PLEKHG2: variants seen among roughly 807,000 people sequenced by gnomAD.
PLEKHG2 encodes the protein pleckstrin homology and RhoGEF domain containing G2.
Under a neutral mutation model 104.4 loss-of-function variants are expected in PLEKHG2, and 71 were observed. The observed-to-expected ratio is 0.68, with a 90% CI of 0.56 to 0.83. The LOEUF (loss-of-function observed/expected upper bound fraction) is 0.83. Ranked by LOEUF, PLEKHG2 falls within the 40% of genes least tolerant of loss-of-function variation. The pLI is 0.00. For synonymous variants in PLEKHG2, 728 were observed against 737.0 expected (o/e 0.99, Z 0.20); for missense variants, 1,730 against 1,809.4 (o/e 0.96, Z 0.80).
chr19:39,425,306 A>G lies in PLEKHG2; in HGVS notation c.*12A>G, dbSNP rs942072365. On this transcript the variant is annotated 3_prime_UTR_variant, in exon 19 of 19. Coordinates refer to ENST00000425673, the MANE Select transcript of PLEKHG2 (RefSeq NM_022835.3). ...CCTTCCACATGTGAGCCAGGACATG[A>G]GGCTTCCCTGAAGCAAGGATTTCAG... The G allele has an allele frequency of 2.5e-6, 4 of 1,595,080 alleles. No homozygotes were observed. In the African/African-American group the frequency reaches 5.4e-5, roughly 22 times the overall value.
chr19:39,415,814 C>G lies in PLEKHG2; in HGVS notation c.479+375C>G, dbSNP rs1036561234. On this transcript the variant is annotated intron_variant, in intron 4 of 18. Transcript: ENST00000425673. This position sits in a 1 kb window ranked among gnomAD's most constrained non-coding sequence, Gnocchi z 4.6. ...TGGGGCTGTGTCAGGTCTGGGCTCA[C>G]GATGAATCCAAGAATCATATGGGGC... is the stretch of plus-strand genomic sequence containing the variant. Among the ~76,000 whole-genome samples, 1 of 152,132 alleles carries G rather than the reference C, an allele frequency of 6.6e-6. No homozygotes were observed. Among genetic ancestry groups the G allele is most frequent in the Non-Finnish European group, 1.5e-5 (1 of 68,008 alleles).
intron 2 of PLEKHG2, 45 bp downstream of exon 2, chr19:39,414,240 C>T (rs1262379547): frequency 6.6e-7 from 1 of 1,524,378 alleles, no homozygotes; most frequent in Non-Finnish European, 8.9e-7. Context: ...GGCTTTTATT[C>T]CTTGGCAATG....
chr19:39,424,566 C>T lies in PLEKHG2; in HGVS notation c.3433C>T (p.Pro1145Ser). 1.2e-6 allele frequency: 2 copies of T among 1,614,160 alleles called. No individual in the cohort carries two copies. Among genetic ancestry groups the T allele is most frequent in the Non-Finnish European group, 8.5e-7 (1 of 1,180,036 alleles). The change falls in exon 19 of 19, where the codon CCT becomes TCT. Residue 1145 changes from proline (P) to serine (S), a missense_variant. Transcript: ENST00000425673. ...LPDTQVPATT[P>S]LPLPQVLTDI... ...AGACACTCAGGTTCCAGCTACCACACCTTTGCCCCTGCCACAAGTCCTCAC... is the reference window on the plus strand; with the variant it reads ...AGACACTCAGGTTCCAGCTACCACATCTTTGCCCCTGCCACAAGTCCTCAC...
Position 39,425,080 on chromosome 19 carries a change from C to A in PLEKHG2, c.3947C>A (p.Ala1316Glu). 6.3e-7 allele frequency: 1 copy of A among 1,591,660 alleles called. No individual in the cohort carries two copies. The highest frequency in any genetic ancestry group is 8.6e-7 in the Non-Finnish European group (1 of 1,169,376). The change falls in exon 19 of 19, where the codon GCA becomes GAA. Residue 1316 changes from alanine (A) to glutamate (E), a missense_variant. Transcript: ENST00000425673. ...TGGTCCTCTGCTCCCACGTCACGGG[C>A]ATCTTCGCCGCCCCCCCAGCCCCAG... ...GSWSSAPTSR[A>E]SSPPPQPQPP... is the part of the protein sequence containing the mutation.
chr19:39,419,956 G>A (rs2078672602), intron 11 of PLEKHG2, among the ~76,000 whole-genome samples: 1 of 152,198 alleles, frequency 6.6e-6, no homozygotes, highest in African/African-American at 2.4e-5. Context: ...GGGAGGCTGA[G>A]GCAGGAGAAT....
chr19:39,423,363 C>T lies in PLEKHG2; in HGVS notation c.2309C>T (p.Ala770Val). The change falls in exon 18 of 19, where the codon GCC (alanine) becomes GTC (valine). Residue 770 changes from alanine to valine, a missense_variant. By Grantham distance (64) the Ala-to-Val change is moderately conservative (BLOSUM62 0). Transcript: ENST00000425673. ...AFRSCSEIRS[A>V]WQALEQGQLA... ...CGCTCTTGCTCAGAAATCCGGAGCG[C>T]CTGGCAGGCATTGGAACAGGGACAG... 1 of 1,613,418 alleles carries T rather than the reference C, an allele frequency of 6.2e-7. No homozygotes were observed. Among genetic ancestry groups the T allele is most frequent in the Non-Finnish European group, 8.5e-7 (1 of 1,179,606 alleles).
intron 2 of PLEKHG2, 95 bp downstream of exon 2, chr19:39,414,290 C>A: frequency 7.8e-7 from 1 of 1,279,784 alleles, no homozygotes; most frequent in African/African-American, 1.5e-5. Flanking sequence ...CAGGCCAACT[C>A]GCACAAAGCT....
chr19:39,424,136 C>A lies in PLEKHG2; in HGVS notation c.3003C>A (p.Ser1001=). 6.2e-7 allele frequency: 1 copy of A among 1,614,130 alleles called. No individual in the cohort carries two copies. The highest frequency in any genetic ancestry group is 2.2e-5 in the East Asian group (1 of 44,874). ...HRSHMVIPAP[S]TAFCPEQGHC... ...GTCACATGGTTATACCAGCTCCATC[C>A]ACCGCCTTTTGTCCTGAGCAGGGAC... The change falls in exon 19 of 19, where the codon TCC becomes TCA. Residue 1001 remains serine (S), a synonymous_variant. Coordinates refer to ENST00000425673, the MANE Select transcript of PLEKHG2 (RefSeq NM_022835.3).
Position 39,418,834 on chromosome 19 carries a change from T to G in PLEKHG2, c.1176+8T>G. On this transcript the variant is annotated splice_region_variant and intron_variant, in intron 10 of 18. Transcript: ENST00000425673. ...CACAGACACCTGCTCCAGGTGAGCATGTAGTGGGATCAGGCTGGCAGGGAT... is the reference window on the plus strand; with the variant it reads ...CACAGACACCTGCTCCAGGTGAGCAGGTAGTGGGATCAGGCTGGCAGGGAT... 6.2e-7 allele frequency: 1 copy of G among 1,605,140 alleles called. No homozygotes were observed. Among genetic ancestry groups the G allele is most frequent in the Non-Finnish European group, 8.5e-7 (1 of 1,172,908 alleles).
chr19:39,425,462 A>T lies in PLEKHG2; in HGVS notation c.*168A>T. The T allele has an allele frequency of 9.6e-7, 1 of 1,042,608 alleles. No individual in the cohort carries two copies. The highest frequency in any genetic ancestry group is 1.3e-6 in the Non-Finnish European group (1 of 792,150). The allele number at this position is 1,042,608 out of a possible 1,614,324, so 64.6% of individuals were successfully genotyped here. ...GCCCTTCTTGCCTTGATCCACAGGG[A>T]TGGGGAAGGGAGGAATGTCATTAAT... is the stretch of plus-strand genomic sequence containing the variant. On this transcript the variant is annotated 3_prime_UTR_variant, in exon 19 of 19. Coordinates refer to ENST00000425673, the MANE Select transcript of PLEKHG2 (RefSeq NM_022835.3).
In PLEKHG2 at chr19:39,425,411, A is replaced by G. The variant is rs748608344; in HGVS notation, c.*117A>G. On this transcript the variant is annotated 3_prime_UTR_variant, in exon 19 of 19. Transcript: ENST00000425673. ...GCCTCAAAACTGCTGCGGCCTTCCA[A>G]CTCCTGGTATCTGCATCGGCGAATG... The G allele has an allele frequency of 6.3e-6, 9 of 1,432,970 alleles. No individual in the cohort carries two copies. The highest frequency in any genetic ancestry group is 1.5e-5 in the African/African-American group (1 of 68,748). 88.8% of individuals were successfully genotyped at this position (1,432,970 alleles called of 1,614,324 possible). A position where few individuals can be genotyped will look rare whatever the true frequency, so the allele number is the denominator to read the frequency against.
chr19:39,415,292 TAC>T lies in PLEKHG2; in HGVS notation c.378+33_378+34del. ...CGGGCAGACACCAGAGGGCAGTGGG[TAC>T]CCAGGCCAGCCCCTTGGCCCCCATA... On this transcript the variant is annotated intron_variant, in intron 3 of 18. Coordinates refer to ENST00000425673, the MANE Select transcript of PLEKHG2 (RefSeq NM_022835.3). This position sits in a 1 kb window ranked among gnomAD's most constrained non-coding sequence, Gnocchi z 4.6. 6.2e-7 allele frequency: 1 copy of T among 1,604,924 alleles called. No homozygotes were observed. Among genetic ancestry groups the T allele is most frequent in the African/African-American group, 1.3e-5 (1 of 74,770 alleles).
intron 10 of PLEKHG2, 34 bp from the exon 11 acceptor site, chr19:39,418,883 C>A: frequency 6.3e-7 from 1 of 1,598,544 alleles, no homozygotes. Context: ...GACCTCACAC[C>A]TGGCCCCCTG....
In PLEKHG2 at chr19:39,425,821, A is replaced by G. The variant is rs931718376; in HGVS notation, c.*527A>G. ...CACCCTGCCATCTCTCCACCTATCC[A>G]TCTGGCTATTGCTCCATCTAGCTTT... On this transcript the variant is annotated 3_prime_UTR_variant, in exon 19 of 19. Transcript: ENST00000425673. 6.2e-6 allele frequency: 1 copy of G among 160,474 alleles called. No individual in the cohort carries two copies. Among genetic ancestry groups the G allele is most frequent in the East Asian group, 1.8e-4 (1 of 5,460 alleles). 9.9% of individuals were successfully genotyped at this position (160,474 alleles called of 1,614,324 possible).
rs754076614 is a variant in PLEKHG2 at position 39,417,976 on chromosome 19, C to G, written c.954C>G (p.Gly318=). ...CTTTTGGGGAACTGGTGTTGGAGGG[C>G]GCGTTCCGAGGAGGCGGAGGGGGTG... is the stretch of plus-strand genomic sequence containing the variant. ...LSAFGELVLE[G]AFRGGGGGGP... Residue 318 remains glycine (G), a synonymous_variant, in exon 9 of 19, where the codon GGC becomes GGG. Transcript: ENST00000425673. 5 of 1,543,898 alleles carry G rather than the reference C, an allele frequency of 3.2e-6. No homozygotes were observed. The highest frequency in any genetic ancestry group is 4.4e-6 in the Non-Finnish European group (5 of 1,145,890).
rs1409213199 is a variant in PLEKHG2 at position 39,413,493 on chromosome 19, G to T, written c.-23+81G>T. ...TGAACAATGAGGGGGCGTGCCGGCGGGGGGCGAGCCGAGGCGCCGGCGGGA... is the reference window on the plus strand; with the variant it reads ...TGAACAATGAGGGGGCGTGCCGGCGTGGGGCGAGCCGAGGCGCCGGCGGGA... On this transcript the variant is annotated intron_variant, in intron 1 of 18. Coordinates refer to ENST00000425673, the MANE Select transcript of PLEKHG2 (RefSeq NM_022835.3). The surrounding 1 kb of genome is among the most constrained non-coding windows in gnomAD (Gnocchi z 4.5). 2 of 152,354 alleles carry T rather than the reference G, an allele frequency of 1.3e-5. No individual in the cohort carries two copies. Among genetic ancestry groups the T allele is most frequent in the Middle Eastern group, 3.4e-3 (1 of 294 alleles). The allele number at this position is 152,354 out of a possible 1,614,324, so 9.4% of individuals were successfully genotyped here.
chr19:39,421,406 C>A, intron 16 of PLEKHG2, 107 bp downstream of exon 16: 1 of 1,229,736 alleles, frequency 8.1e-7, no homozygotes, highest in Non-Finnish European at 1.2e-6. Flanking sequence ...GGGATTGGGG[C>A]CAGACAGAGT....
Position 39,424,904 on chromosome 19 carries a change from G to A in PLEKHG2, c.3771G>A (p.Thr1257=), listed in dbSNP as rs201352095. 1.4e-5 allele frequency: 23 copies of A among 1,614,140 alleles called. No homozygotes were observed. Among genetic ancestry groups the A allele is most frequent in the Middle Eastern group, 1.6e-4 (1 of 6,062 alleles). Residue 1257 remains threonine (T), a synonymous_variant, in exon 19 of 19, where the codon ACG becomes ACA. Coordinates refer to ENST00000425673, the MANE Select transcript of PLEKHG2 (RefSeq NM_022835.3). ...HVARLESSDL[T]PPHSPPPSSR... is the part of the protein sequence containing the mutation. ...CCAGGTTGGAGTCTTCAGACTTGAC[G>A]CCACCTCATAGTCCCCCACCTTCCA...
chr19:39,421,219 G>A (rs1033343915), intron 15 of PLEKHG2, 64 bp from the exon 16 acceptor site: 7 of 1,612,492 alleles, frequency 4.3e-6, no homozygotes, highest in Non-Finnish European at 5.9e-6. Flanking sequence ...CAGTTATGGG[G>A]GAATCACTCT....
Sources: allele counts gnomAD v4.1 joint callset (sites outside exome capture counted in the v4.1 genomes callset), GRCh38; gene constraint gnomAD v4.1.1; non-coding constraint Gnocchi (gnomAD v3.1); transcripts MANE v1.5; gene names NCBI Gene and HGNC (gene_info 2026-07-23, HGNC 2026-07-21).